CNST: variants seen among roughly 807,000 people sequenced by gnomAD.
CNST encodes the protein consortin, connexin sorting protein, also known as consortin.
In CNST, 39 loss-of-function variants were observed where a neutral mutation model predicts 72.4. That is an observed-to-expected ratio of 0.54 (90% confidence interval 0.42 to 0.70). CNST has a LOEUF of 0.70. Ranked by LOEUF, CNST falls within the 30% of genes least tolerant of loss-of-function variation. CNST has a pLI of 0.00. For synonymous variants in CNST, 332 were observed against 320.1 expected (o/e 1.04, Z -0.40); for missense variants, 871 against 868.5 (o/e 1.00, Z -0.04).
At chr1:246,634,083 T>G (rs1281539212) in intron 5 of CNST, 73 bp downstream of exon 5, 3 of 954,862 alleles carry the variant, frequency 3.1e-6, no homozygotes, top group Non-Finnish European at 5.0e-6. Context: ...ATTAACATAT[T>G]TGACCTGGTT....
In CNST at chr1:246,566,472, A is replaced by G. The variant is rs1659686811; in HGVS notation, c.-243A>G. The G allele has an allele frequency of 1.4e-5, 6 of 443,360 alleles. No homozygotes were observed. Among genetic ancestry groups the G allele is most frequent in the Non-Finnish European group, 2.0e-5 (5 of 249,504 alleles). The allele number at this position is 443,360 out of a possible 1,614,324, so 27.5% of individuals were successfully genotyped here. On this transcript the variant is annotated 5_prime_UTR_variant, in exon 1 of 11. Transcript: ENST00000366513. ...CTATGCTCCGCGGTCGCGGGCCGCC[A>G]GCCTCCAGCCGGCCAGCCGCGAGGG...
chr1:246,652,714 T>A (rs1295795739), intron 9 of CNST, among the ~76,000 whole-genome samples: 1 of 152,040 alleles, frequency 6.6e-6, no homozygotes, highest in Non-Finnish European at 1.5e-5. Flanking sequence ...TTTAGAAAGC[T>A]TTTAATCTGG....
At chr1:246,583,870 T>C (rs1298850908) in intron 1 of CNST, among the ~76,000 whole-genome samples, 1 of 152,236 alleles carries the variant, frequency 6.6e-6, no homozygotes, top group Non-Finnish European at 1.5e-5. Flanking sequence ...TATATCATAA[T>C]TTTTCAAGAT....
intron 1 of CNST, among the ~76,000 whole-genome samples, chr1:246,572,958 T>TA (rs1250934289): frequency 1.3e-5 from 2 of 152,192 alleles, no homozygotes; most frequent in African/African-American, 4.8e-5. Context: ...AATTGGATCT[T>TA]ACAAGGATTC....
chr1:246,612,939 C>G (rs139133807), intron 2 of CNST, among the ~76,000 whole-genome samples: 9 of 152,238 alleles, frequency 5.9e-5, no homozygotes, highest in African/African-American at 2.2e-4. Context: ...CAAAGCTTAA[C>G]TAATTGAAAT....
intron 8 of CNST, among the ~76,000 whole-genome samples, chr1:246,644,800 G>A (rs1665940891): frequency 6.6e-6 from 1 of 152,212 alleles, no homozygotes; most frequent in Non-Finnish European, 1.5e-5. Flanking sequence ...TGTTTTGAGG[G>A]ACATCTTCTG....
chr1:246,596,835 TTGAC>T lies in CNST; in HGVS notation c.379+4897_379+4900del, dbSNP rs373719859. Among the ~76,000 whole-genome samples, 127 of 152,348 alleles carry T rather than the reference TTGAC, an allele frequency of 8.3e-4. 2 individuals are homozygous for T. In the South Asian group the frequency reaches 0.025, roughly 30 times the overall value. On this transcript the variant is annotated intron_variant, in intron 2 of 10. Coordinates refer to ENST00000366513, the MANE Select transcript of CNST (RefSeq NM_152609.3). The stretch of plus-strand genomic sequence containing the variant: ...AGTGGAATCATACAATAGAAGGTCT[TTGAC>T]TGGCTTCTTTCATTTAACATGTTTT...
intron 1 of CNST, among the ~76,000 whole-genome samples, chr1:246,584,205 A>C (rs1251081042): frequency 6.6e-6 from 1 of 152,240 alleles, no homozygotes; most frequent in Admixed American, 6.5e-5. Flanking sequence ...CTGAGCCACC[A>C]TGCCCAGCCA....
rs746050547 is a variant in CNST, at chr1:246,647,299, C to A, written c.1098C>A (p.Ser366Arg). ...ACCACATGGAGGAGCTGCTCTGCAG[C>A]GCTGAAGCCACGTTAGCGCTCCACA... is the stretch of plus-strand genomic sequence containing the variant. The part of the protein sequence containing the change: ...GKDHMEELLC[S>R]AEATLALHTQ... The change falls in exon 9 of 11, where the codon AGC becomes AGA. Residue 366 changes from serine (S) to arginine (R), a missense_variant. Transcript: ENST00000366513. The A allele has an allele frequency of 6.2e-7, 1 of 1,613,990 alleles. No individual in the cohort carries two copies. The highest frequency in any genetic ancestry group is 1.7e-5 in the Admixed American group (1 of 59,998).
chr1:246,641,344 T>C (rs1665678574), intron 6 of CNST, among the ~76,000 whole-genome samples: 1 of 152,260 alleles, frequency 6.6e-6, no homozygotes, highest in Non-Finnish European at 1.5e-5. Flanking sequence ...ATTTATACTT[T>C]TTGTTATCTG....
chr1:246,588,555 A>G (rs74495912), intron 1 of CNST, among the ~76,000 whole-genome samples: 4,362 of 152,314 alleles, frequency 0.029, 204 homozygotes, highest in African/African-American at 0.1. Context: ...AGGCAATGTC[A>G]TAGACAGCAG....
intron 2 of CNST, among the ~76,000 whole-genome samples, chr1:246,599,129 T>A (rs954519867): frequency 6.6e-6 from 1 of 151,856 alleles, no homozygotes; most frequent in African/African-American, 2.4e-5. Flanking sequence ...GTCAAATAAT[T>A]TCACAGTCAG....
Position 246,591,558 on chromosome 1 carries a change from C to T in CNST, c.-5C>T. The T allele has an allele frequency of 6.8e-6, 11 of 1,613,906 alleles. No homozygotes were observed. Among genetic ancestry groups the T allele is most frequent in the Non-Finnish European group, 9.3e-6 (11 of 1,179,804 alleles). The stretch of plus-strand genomic sequence containing the variant: ...ACTTTAAATGGTTCACCAAAGGATG[C>T]TCTAATGGATGACAGCGATACTCCT... On this transcript the variant is annotated 5_prime_UTR_variant, in exon 2 of 11. Coordinates refer to ENST00000366513, the MANE Select transcript of CNST (RefSeq NM_152609.3).
At chr1:246,651,372 T>A (rs1039765868) in intron 9 of CNST, among the ~76,000 whole-genome samples, 14 of 152,128 alleles carry the variant, frequency 9.2e-5, no homozygotes, top group African/African-American at 3.4e-4. Flanking sequence ...TTTCTACCAT[T>A]GTGTTTGTGG....
chr1:246,592,001 C>T, intron 2 of CNST, 60 bp downstream of exon 2: 3 of 1,330,218 alleles, frequency 2.3e-6, no homozygotes, highest in Non-Finnish European at 3.1e-6. Context: ...ACCTCCTTCC[C>T]TCCCATACTG....
In CNST at chr1:246,666,188, A is replaced by T. The variant is rs1315042195; in HGVS notation, c.*283A>T. On this transcript the variant is annotated 3_prime_UTR_variant, in exon 11 of 11. Transcript: ENST00000366513. ...CCTAATGTCATGAGGTACACTGAGC[A>T]GAATTAAACAGGGTAGTCTTAACCA... The T allele has an allele frequency of 2.9e-6, 1 of 346,340 alleles. No homozygotes were observed. The highest frequency in any genetic ancestry group is 5.3e-6 in the Non-Finnish European group (1 of 188,344). The allele number at this position is 346,340 out of a possible 1,614,324, so 21.5% of individuals were successfully genotyped here.
At chr1:246,657,697 C>T (rs977246301) in intron 9 of CNST, among the ~76,000 whole-genome samples, 1 of 152,174 alleles carries the variant, frequency 6.6e-6, no homozygotes, top group African/African-American at 2.4e-5. Flanking sequence ...AAACACCACC[C>T]TCCCTGGTTG....
In CNST at chr1:246,660,245, A is replaced by T. The variant is rs1220815195; in HGVS notation, c.1883A>T (p.Asp628Val). The T allele has an allele frequency of 5.6e-6, 9 of 1,613,070 alleles. No homozygotes were observed. Among genetic ancestry groups the T allele is most frequent in the Non-Finnish European group, 6.8e-6 (8 of 1,179,200 alleles). ...GLVSILKKRN[D>V]TVGDHPAQMQ... ...GTCTCCATATTAAAGAAGAGGAATG[A>T]TACTGTAGGAGATCATCCTGCCCAA... is the stretch of plus-strand genomic sequence containing the variant. Residue 628 changes from aspartate (D) to valine (V), a missense_variant, in exon 10 of 11, where the codon GAT (aspartate) becomes GTT (valine). Physicochemically the swap from Asp to Val is radical, Grantham distance 152 (BLOSUM62 -3). Transcript: ENST00000366513.
intron 8 of CNST, among the ~76,000 whole-genome samples, chr1:246,642,628 G>A (rs1665785875): frequency 6.6e-6 from 1 of 150,896 alleles, no homozygotes; most frequent in Admixed American, 6.6e-5. Flanking sequence ...CTAAATGTTT[G>A]GCATGTTGCT....
Sources: allele counts gnomAD v4.1 joint callset (sites outside exome capture counted in the v4.1 genomes callset), GRCh38; gene constraint gnomAD v4.1.1; transcripts MANE v1.5; gene names NCBI Gene and HGNC (gene_info 2026-07-23, HGNC 2026-07-21).